PEX13: variants seen among roughly 807,000 people sequenced by gnomAD.
PEX13 encodes the protein peroxisome biogenesis factor 13.
In PEX13, 28 loss-of-function variants were observed where a neutral mutation model predicts 34.5. The ratio of observed to expected loss-of-function variants is 0.81; its 90% confidence interval spans 0.60 to 1.11. The LOEUF (loss-of-function observed/expected upper bound fraction) is 1.11, where lower values mean the gene tolerates loss of function less well. Among genes scored for constraint, PEX13 ranks in the 50% most tolerant of loss-of-function variants. PEX13 has a pLI of 0.00. For synonymous variants in PEX13, 177 were observed against 175.1 expected, an observed-to-expected ratio of 1.01 and a Z score of -0.09; for missense variants, 550 against 491.0, an observed-to-expected ratio of 1.12 and a Z score of -1.13.
At chr2:61,029,859 A>G (rs894160389) in intron 1 of PEX13, among the ~76,000 whole-genome samples, 7 of 152,132 alleles carry the variant, frequency 4.6e-5, no homozygotes, top group African/African-American at 1.7e-4. Flanking sequence ...TCTGTACTGA[A>G]CATGTACAGA....
intron 2 of PEX13, among the ~76,000 whole-genome samples, chr2:61,038,532 A>G (rs1337745923): frequency 2.0e-5 from 3 of 152,240 alleles, no homozygotes; most frequent in Non-Finnish European, 4.4e-5. Flanking sequence ...AGATGTAGAA[A>G]AGGCCTTCAA....
At position 61,031,252 on chromosome 2, in the gene PEX13, A is replaced by G. The variant is rs556314437; in HGVS notation, c.93-167A>G. The stretch of plus-strand genomic sequence containing the variant: ...GCTACAGTGAGCTTTTGATTGTGCT[A>G]CTACACTCCAGCTTGGGCAACAGAG... On this transcript the variant is annotated intron_variant, in intron 1 of 3. Coordinates refer to ENST00000295030, the MANE Select transcript of PEX13 (RefSeq NM_002618.4). 7.9e-5 allele frequency among the ~76,000 whole-genome samples: 12 copies of G among 152,308 alleles called. No individual in the cohort carries two copies. The South Asian group carries it at 2.5e-3, about 32-fold the overall frequency.
intron 1 of PEX13, among the ~76,000 whole-genome samples, chr2:61,030,401 C>G (rs1178186282): frequency 1.3e-5 from 2 of 152,142 alleles, no homozygotes; most frequent in African/African-American, 4.8e-5. Flanking sequence ...TATTTCAGCT[C>G]TCATGCTGTA....
At chr2:61,042,863 A>T (rs941300129) in intron 2 of PEX13, among the ~76,000 whole-genome samples, 1 of 152,248 alleles carries the variant, frequency 6.6e-6, no homozygotes, top group Non-Finnish European at 1.5e-5. Flanking sequence ...TTTGAACAAC[A>T]TGGCCAACTT....
intron 3 of PEX13, among the ~76,000 whole-genome samples, chr2:61,046,055 A>C (rs536630791): frequency 1.2e-4 from 19 of 152,344 alleles, no homozygotes; most frequent in African/African-American, 4.3e-4. Flanking sequence ...ATACTATTTC[A>C]CTGAGATAAG....
In PEX13 at chr2:61,031,931, G is replaced by C; in HGVS notation, c.605G>C (p.Arg202Thr). 4 of 1,614,200 alleles carry C rather than the reference G, an allele frequency of 2.5e-6. No individual in the cohort carries two copies. Among genetic ancestry groups the C allele is most frequent in the Non-Finnish European group, 3.4e-6 (4 of 1,180,006 alleles). Reference protein sequence around the residue: ...YRRLQRMLGLRRGSENEDLWA... With the variant: ...YRRLQRMLGLTRGSENEDLWA... ...CGGCTACAGCGGATGTTAGGTTTAA[G>C]AAGAGGCTCTGAGAATGAAGACCTC... is the stretch of plus-strand genomic sequence containing the variant. Residue 202 changes from arginine to threonine, a missense_variant, in exon 2 of 4, where the codon AGA (arginine) becomes ACA (threonine). Physicochemically the swap from Arg to Thr is moderately conservative, Grantham distance 71. Coordinates refer to ENST00000295030, the MANE Select transcript of PEX13 (RefSeq NM_002618.4).
intron 2 of PEX13, among the ~76,000 whole-genome samples, chr2:61,033,351 A>G (rs1253979175): frequency 6.6e-6 from 1 of 152,196 alleles, no homozygotes. Context: ...GGATGTAGTT[A>G]CTGACTAAAT....
In PEX13 at chr2:61,017,755, A is replaced by G; in HGVS notation, c.-5A>G. 2 of 1,548,934 alleles carry G rather than the reference A, an allele frequency of 1.3e-6. No homozygotes were observed. The highest frequency in any genetic ancestry group is 2.0e-5 in the Admixed American group (1 of 50,902). ...AGGAGCGGGAGCCGAGAGGAGGCGGAGGAGATGGCGTCCCAGCCGCCACCT... is the reference window on the plus strand; with the variant it reads ...AGGAGCGGGAGCCGAGAGGAGGCGGGGGAGATGGCGTCCCAGCCGCCACCT... On this transcript the variant is annotated 5_prime_UTR_variant, in exon 1 of 4. Transcript: ENST00000295030.
chr2:61,037,291 C>T (rs1253810971), intron 2 of PEX13, among the ~76,000 whole-genome samples: 1 of 152,208 alleles, frequency 6.6e-6, no homozygotes, highest in East Asian at 1.9e-4. Context: ...CTACAGAACT[C>T]TACACCCCAA....
chr2:61,022,673 A>T (rs774653954), intron 1 of PEX13, among the ~76,000 whole-genome samples: 2 of 152,226 alleles, frequency 1.3e-5, no homozygotes, highest in Non-Finnish European at 2.9e-5. Context: ...GTTCAAGACT[A>T]GTCTGAGCAA....
At chr2:61,034,188 G>T (rs1680497350) in intron 2 of PEX13, among the ~76,000 whole-genome samples, 1 of 151,986 alleles carries the variant, frequency 6.6e-6, no homozygotes, top group African/African-American at 2.4e-5. Context: ...GTAGAGACGG[G>T]GTTTCACCGT....
In PEX13 at chr2:61,032,111, C is replaced by A; in HGVS notation, c.785C>A (p.Thr262Lys). 6.2e-7 allele frequency: 1 copy of A among 1,601,880 alleles called. No individual in the cohort carries two copies. Among genetic ancestry groups the A allele is most frequent in the Non-Finnish European group, 8.6e-7 (1 of 1,169,000 alleles). Residue 262 changes from threonine (T) to lysine (K), a missense_variant and splice_region_variant, in exon 2 of 4, where the codon ACA (threonine) becomes AAA (lysine). Thr to Lys is a moderately conservative substitution (Grantham distance 78). Transcript: ENST00000295030. ...KLLSTHSDEV[T>K]DSINWASGED... ...TTGTCTACTCACAGTGATGAAGTAACAGGTAAGAGAACTGTAAGGGAACAG... is the reference window on the plus strand; with the variant it reads ...TTGTCTACTCACAGTGATGAAGTAAAAGGTAAGAGAACTGTAAGGGAACAG...
At chr2:61,023,732 CTTTT>C (rs375431867) in intron 1 of PEX13, among the ~76,000 whole-genome samples, 2 of 130,204 alleles carry the variant, frequency 1.5e-5, no homozygotes, top group Admixed American at 7.7e-5. Flanking sequence ...TTCCTGACTT[CTTTT>C]TTTTTTTTTT....
At chr2:61,020,162 C>T (rs1278267344) in intron 1 of PEX13, among the ~76,000 whole-genome samples, 1 of 152,126 alleles carries the variant, frequency 6.6e-6, no homozygotes, top group African/African-American at 2.4e-5. Context: ...CGAGGCGGAG[C>T]TTGCAGTGAG....
chr2:61,017,969 C>G, intron 1 of PEX13, 118 bp downstream of exon 1: 1 of 1,331,510 alleles, frequency 7.5e-7, no homozygotes, highest in African/African-American at 1.5e-5. Context: ...CAATACCCAA[C>G]CTTGGGGATA....
At chr2:61,017,879 G>A (rs753947905) in intron 1 of PEX13, 28 bp downstream of exon 1, 1 of 1,543,840 alleles carries the variant, frequency 6.5e-7, no homozygotes, top group South Asian at 1.2e-5. Flanking sequence ...CAGGCTGTGA[G>A]TTTAGTGGGC....
intron 1 of PEX13, among the ~76,000 whole-genome samples, chr2:61,027,501 C>T (rs1460067307): frequency 6.6e-6 from 1 of 152,298 alleles, no homozygotes; most frequent in African/African-American, 2.4e-5. Flanking sequence ...ATTAAACTGT[C>T]ATCAGCAAAT....
Position 61,048,543 on chromosome 2 carries a change from A to G in PEX13, c.985A>G (p.Asn329Asp). 6.2e-7 allele frequency: 1 copy of G among 1,614,104 alleles called. No homozygotes were observed. The highest frequency in any genetic ancestry group is 8.5e-7 in the Non-Finnish European group (1 of 1,179,960). Reference protein sequence around the residue: ...DGQTTGLIPANYVKILGKRKG... With the variant: ...DGQTTGLIPADYVKILGKRKG... Reference sequence around the variant, plus strand: ...CCAAACAACAGGACTTATACCTGCGAATTATGTCAAAATTCTTGGCAAAAG... The same window carrying G: ...CCAAACAACAGGACTTATACCTGCGGATTATGTCAAAATTCTTGGCAAAAG... The change falls in exon 4 of 4, where the codon AAT becomes GAT. Residue 329 changes from asparagine (N) to aspartate (D), a missense_variant. By Grantham distance (23) the Asn-to-Asp change is conservative. Transcript: ENST00000295030.
At chr2:61,023,936 A>G (rs1243707437) in intron 1 of PEX13, among the ~76,000 whole-genome samples, 1 of 152,062 alleles carries the variant, frequency 6.6e-6, no homozygotes, top group East Asian at 1.9e-4. Flanking sequence ...GGCTGGGACC[A>G]CAGGTAAGTG....
Sources: allele counts gnomAD v4.1 joint callset (sites outside exome capture counted in the v4.1 genomes callset), GRCh38; gene constraint gnomAD v4.1.1; transcripts MANE v1.5; gene names NCBI Gene and HGNC (gene_info 2026-07-23, HGNC 2026-07-21).